SCFD2: variants seen among roughly 807,000 people sequenced by gnomAD.
SCFD2 encodes the protein sec1 family domain-containing protein 2.
In SCFD2, 54 loss-of-function variants were observed where a neutral mutation model predicts 58.9. The observed-to-expected ratio is 0.92, with a 90% CI of 0.74 to 1.15. The LOEUF is 1.15. Ranked by LOEUF, SCFD2 falls within the 50% of genes most tolerant of loss-of-function variation. The probability of loss-of-function intolerance (pLI) is 0.00; values close to 1 mark genes in which losing one functional copy is unlikely to be tolerated. For synonymous variants in SCFD2, 321 were observed against 335.9 expected, an observed-to-expected ratio of 0.96 and a Z score of 0.49; for missense variants, 805 against 836.6, an observed-to-expected ratio of 0.96 and a Z score of 0.47.
At chr4:52,914,345 C>G (rs1044572900) in intron 6 of SCFD2, among the ~76,000 whole-genome samples, 2 of 152,176 alleles carry the variant, frequency 1.3e-5, no homozygotes, top group Non-Finnish European at 2.9e-5. Context: ...CTGTGGAGTT[C>G]TTACAGAGGA....
chr4:53,011,491 T>C lies in SCFD2; in HGVS notation c.1562-90621A>G, dbSNP rs111397649. 1.8e-3 allele frequency among the ~76,000 whole-genome samples: 280 copies of C among 152,318 alleles called. 1 individual carries two copies. Among genetic ancestry groups the C allele is most frequent in the African/African-American group, 6.5e-3 (271 of 41,560 alleles). The stretch of plus-strand genomic sequence containing the variant: ...TACAGGGAATTTCTAATATGCAGTG[T>C]TCTCTCTGTTCACAACAAAAACAAG... On this transcript the variant is annotated intron_variant, in intron 5 of 8. Transcript: ENST00000401642.
intron 5 of SCFD2, among the ~76,000 whole-genome samples, chr4:53,014,103 CA>C (rs1248288634): frequency 6.6e-6 from 1 of 152,110 alleles, no homozygotes; most frequent in Non-Finnish European, 1.5e-5. Context: ...GCAGGGGATG[CA>C]GGGAGGTAAA....
intron 5 of SCFD2, among the ~76,000 whole-genome samples, chr4:53,137,128 C>T (rs1204504784): frequency 6.6e-6 from 1 of 152,152 alleles, no homozygotes; most frequent in Non-Finnish European, 1.5e-5. Context: ...CAAATATACA[C>T]CCAGTTACAA....
chr4:53,250,987 T>G (rs1031262192), intron 4 of SCFD2, among the ~76,000 whole-genome samples: 6 of 150,626 alleles, frequency 4.0e-5, no homozygotes, highest in Admixed American at 1.3e-4. Flanking sequence ...ACAAACTTGA[T>G]AGACTAATAA....
intron 4 of SCFD2, among the ~76,000 whole-genome samples, chr4:53,233,027 G>T (rs1417631675): frequency 6.6e-6 from 1 of 152,144 alleles, no homozygotes; most frequent in Non-Finnish European, 1.5e-5. Flanking sequence ...CCTTAAGTCA[G>T]AAATACTCTA....
Position 53,350,736 on chromosome 4 carries a change from G to A in SCFD2, c.1007+1862C>T, listed in dbSNP as rs115055696. On this transcript the variant is annotated intron_variant, in intron 2 of 8. Transcript: ENST00000401642. Reference sequence around the variant, plus strand: ...ACTTTTTCTTTTTTCCTGAAATGGAGTCTCATTCTGTTGCCCAGGCTGGAG... The same window carrying A: ...ACTTTTTCTTTTTTCCTGAAATGGAATCTCATTCTGTTGCCCAGGCTGGAG... Among the ~76,000 whole-genome samples, 455 of 152,238 alleles carry A rather than the reference G, an allele frequency of 3.0e-3. 1 individual carries two copies. Among genetic ancestry groups the A allele is most frequent in the African/African-American group, 0.011 (441 of 41,550 alleles).
At chr4:53,051,097 C>T (rs1322903205) in intron 5 of SCFD2, among the ~76,000 whole-genome samples, 1 of 152,194 alleles carries the variant, frequency 6.6e-6, no homozygotes. Flanking sequence ...AGGGCAGAGA[C>T]CACATCTAAT....
At chr4:53,199,977 A>T (rs1175176432) in intron 4 of SCFD2, among the ~76,000 whole-genome samples, 1 of 151,934 alleles carries the variant, frequency 6.6e-6, no homozygotes, top group Admixed American at 6.6e-5. Flanking sequence ...AGAGAGGGAG[A>T]GAGAGAGAGA....
At chr4:53,190,117 C>A (rs1392189469) in intron 4 of SCFD2, among the ~76,000 whole-genome samples, 4 of 152,146 alleles carry the variant, frequency 2.6e-5, no homozygotes, top group Admixed American at 2.6e-4. Context: ...CTGAATCCCT[C>A]CTGAAACAGT....
At chr4:53,174,731 G>T (rs532545251) in intron 4 of SCFD2, among the ~76,000 whole-genome samples, 1 of 152,134 alleles carries the variant, frequency 6.6e-6, no homozygotes, top group East Asian at 1.9e-4. Context: ...TAGAGTCCTG[G>T]AGTGGGGGAA....
chr4:53,202,066 T>C (rs1728259974), intron 4 of SCFD2, among the ~76,000 whole-genome samples: 1 of 152,150 alleles, frequency 6.6e-6, no homozygotes, highest in Non-Finnish European at 1.5e-5. Context: ...TCTGTTGCCA[T>C]TGCTTTTGGT....
intron 4 of SCFD2, among the ~76,000 whole-genome samples, chr4:53,227,956 TAG>T (rs1729278169): frequency 6.6e-6 from 1 of 152,168 alleles, no homozygotes; most frequent in Non-Finnish European, 1.5e-5. Context: ...TGTAGTGTGG[TAG>T]AGTTATTGAA....
intron 3 of SCFD2, among the ~76,000 whole-genome samples, chr4:53,303,719 T>C (rs1439799365): frequency 1.3e-5 from 2 of 151,920 alleles, no homozygotes; most frequent in Admixed American, 6.6e-5. Context: ...CCAGCAATGA[T>C]AGACTGGATT....
chr4:52,932,747 C>T (rs1000463697), intron 5 of SCFD2, among the ~76,000 whole-genome samples: 9 of 152,086 alleles, frequency 5.9e-5, no homozygotes, highest in African/African-American at 1.4e-4. Flanking sequence ...TTTCTCCCCT[C>T]CCCCAACACA....
chr4:53,156,692 C>T (rs1726699729), intron 4 of SCFD2, among the ~76,000 whole-genome samples: 1 of 152,172 alleles, frequency 6.6e-6, no homozygotes, highest in Non-Finnish European at 1.5e-5. Flanking sequence ...AGTGAGACTC[C>T]GTCTCAAAAC....
At chr4:53,334,994 C>T (rs1733630709) in intron 2 of SCFD2, among the ~76,000 whole-genome samples, 1 of 152,012 alleles carries the variant, frequency 6.6e-6, no homozygotes, top group Non-Finnish European at 1.5e-5. Context: ...GCCAGGAGTT[C>T]AAGACCGGCC....
In SCFD2 at chr4:53,148,559, A is replaced by C. The variant is rs115659433; in HGVS notation, c.1312-2977T>G. 3.6e-3 allele frequency among the ~76,000 whole-genome samples: 542 copies of C among 152,292 alleles called. 5 individuals are homozygous for C. The highest frequency in any genetic ancestry group is 0.012 in the African/African-American group (512 of 41,560). Reference sequence around the variant, plus strand: ...ACTTCTCAGGATCTCTTCTTTCTAAAATGACATGATCTGACCAGAGGATGG... The same window carrying C: ...ACTTCTCAGGATCTCTTCTTTCTAACATGACATGATCTGACCAGAGGATGG... On this transcript the variant is annotated intron_variant, in intron 4 of 8. Coordinates refer to ENST00000401642, the MANE Select transcript of SCFD2 (RefSeq NM_152540.4).
intron 4 of SCFD2, among the ~76,000 whole-genome samples, chr4:53,146,453 T>C (rs1726334659): frequency 6.6e-6 from 1 of 152,202 alleles, no homozygotes; most frequent in Non-Finnish European, 1.5e-5. Context: ...TCAATACAAA[T>C]TGAATATCAT....
chr4:53,216,458 T>C (rs1025426961), intron 4 of SCFD2, among the ~76,000 whole-genome samples: 1 of 152,212 alleles, frequency 6.6e-6, no homozygotes, highest in Non-Finnish European at 1.5e-5. Flanking sequence ...TATTCTCTGA[T>C]AGTAGTTTGC....
Sources: allele counts gnomAD v4.1 joint callset (sites outside exome capture counted in the v4.1 genomes callset), GRCh38; gene constraint gnomAD v4.1.1; transcripts MANE v1.5; gene names NCBI Gene and HGNC (gene_info 2026-07-23, HGNC 2026-07-21).